CCDC7: variants seen among roughly 807,000 people sequenced by gnomAD.
The protein encoded by CCDC7 is coiled-coil domain containing 7.
Under a neutral mutation model 196.9 loss-of-function variants are expected in CCDC7, and 183 were observed. The ratio of observed to expected loss-of-function variants is 0.93; its 90% CI spans 0.82 to 1.05. CCDC7 has a LOEUF of 1.05. CCDC7 is among the 50% of genes least tolerant of loss of function. CCDC7 has a pLI of 0.00. For synonymous variants in CCDC7, 525 were observed against 484.6 expected, an observed-to-expected ratio of 1.08 and a Z score of -1.10; for missense variants, 1,540 against 1,482.2, an observed-to-expected ratio of 1.04 and a Z score of -0.64.
chr10:32,474,517 G>A (rs374427203), intron 8 of CCDC7, among the ~76,000 whole-genome samples: 3 of 151,864 alleles, frequency 2.0e-5, no homozygotes, highest in South Asian at 4.1e-4. Flanking sequence ...GATTACAGGC[G>A]TGAGCCACTG....
intron 18 of CCDC7, among the ~76,000 whole-genome samples, chr10:32,627,847 A>G (rs1012515958): frequency 1.3e-5 from 2 of 151,998 alleles, no homozygotes; most frequent in Non-Finnish European, 2.9e-5. Context: ...CCTTTTATGC[A>G]TCCCTAGGAT....
chr10:32,595,327 T>C (rs927417648), intron 18 of CCDC7, among the ~76,000 whole-genome samples: 9 of 152,262 alleles, frequency 5.9e-5, no homozygotes, highest in African/African-American at 2.2e-4. Context: ...TTTTCTAGTT[T>C]ATTTGCGTAG....
At chr10:32,873,600 G>A (rs886908479) in intron 41 of CCDC7, among the ~76,000 whole-genome samples, 1 of 151,844 alleles carries the variant, frequency 6.6e-6, no homozygotes, top group Non-Finnish European at 1.5e-5. Flanking sequence ...GGAATAGTCT[G>A]TACCACATTT....
chr10:32,852,801 G>A (rs2093613006), intron 40 of CCDC7, among the ~76,000 whole-genome samples: 1 of 151,976 alleles, frequency 6.6e-6, no homozygotes, highest in Admixed American at 6.6e-5. Flanking sequence ...AAGATATTTG[G>A]GCTTGCTTCT....
chr10:32,871,652 G>A (rs1030737154), intron 41 of CCDC7, among the ~76,000 whole-genome samples: 11 of 151,986 alleles, frequency 7.2e-5, no homozygotes, highest in African/African-American at 2.7e-4. Context: ...GCTTTTGAAT[G>A]TGTTTGCTCT....
exon 6 of CCDC7, chr10:32,471,087 A>G: frequency 6.2e-7 from 1 of 1,605,846 alleles, no homozygotes; most frequent in Non-Finnish European, 8.5e-7. Context: ...AAACTCTTTT[A>G]CAAGCAGAGC....
chr10:32,468,077 T>C (rs1195156304), intron 5 of CCDC7, among the ~76,000 whole-genome samples: 1 of 152,190 alleles, frequency 6.6e-6, no homozygotes. Flanking sequence ...GGCTCTTTTT[T>C]GGTTCCAATA....
rs192690417 is a variant in CCDC7, at chr10:32,547,646, A to C, written c.1134+3345A>C. Among the ~76,000 whole-genome samples, 5 of 152,270 alleles carry C rather than the reference A, an allele frequency of 3.3e-5. 1 individual carries two copies. Among genetic ancestry groups the C allele is most frequent in the African/African-American group, 1.2e-4 (5 of 41,542 alleles). ...CATAGTAGGTGTATATATTTATGGG[A>C]TACATGAGATATTTTGATACAAGCA... On this transcript the variant is annotated intron_variant, in intron 13 of 41. Coordinates refer to ENST00000639629, the Ensembl canonical transcript of CCDC7.
intron 38 of CCDC7, 39 bp from the exon 40 acceptor site, chr10:32,848,557 G>C: frequency 7.3e-7 from 1 of 1,364,004 alleles, no homozygotes. Context: ...GAATAGTCAA[G>C]AGTATTCATG....
At chr10:32,791,130 C>T (rs1234535927) in intron 29 of CCDC7, among the ~76,000 whole-genome samples, 1 of 152,148 alleles carries the variant, frequency 6.6e-6, no homozygotes, top group Non-Finnish European at 1.5e-5. Flanking sequence ...TCATCATTGA[C>T]ATGGATCGCA....
chr10:32,492,856 T>TA (rs1158243811), intron 9 of CCDC7, among the ~76,000 whole-genome samples: 1 of 152,132 alleles, frequency 6.6e-6, no homozygotes, highest in Non-Finnish European at 1.5e-5. Context: ...TTTCCATAGT[T>TA]AAAAAAGTTA....
chr10:32,692,133 T>G (rs1004095664), intron 23 of CCDC7, among the ~76,000 whole-genome samples: 14 of 152,238 alleles, frequency 9.2e-5, no homozygotes, highest in African/African-American at 3.1e-4. Flanking sequence ...CATTAAAGCA[T>G]GAGTCTCAAT....
At chr10:32,744,003 G>T (rs1352545839) in intron 28 of CCDC7, among the ~76,000 whole-genome samples, 1 of 110,796 alleles carries the variant, frequency 9.0e-6, no homozygotes, top group African/African-American at 3.4e-5. Flanking sequence ...TGGGGGGAGG[G>T]GGGAGGGATA....
intron 41 of CCDC7, among the ~76,000 whole-genome samples, chr10:32,874,525 A>T (rs1161619581): frequency 2.0e-5 from 3 of 151,744 alleles, no homozygotes; most frequent in Non-Finnish European, 4.4e-5. Flanking sequence ...TATAAGTGAG[A>T]ACATGTGGTA....
chr10:32,877,553 A>G (rs1193749061), downstream of CCDC7, among the ~76,000 whole-genome samples: 4 of 152,222 alleles, frequency 2.6e-5, no homozygotes, highest in South Asian at 6.2e-4. Context: ...ACTAGATCCA[A>G]TCCAGCTTCT....
intron 28 of CCDC7, among the ~76,000 whole-genome samples, chr10:32,754,736 C>T (rs1172933334): frequency 6.6e-6 from 1 of 152,134 alleles, no homozygotes; most frequent in Non-Finnish European, 1.5e-5. Flanking sequence ...TGTGCATTTT[C>T]AACTAAGTTA....
intron 18 of CCDC7, among the ~76,000 whole-genome samples, chr10:32,622,471 A>G (rs1477820665): frequency 6.6e-6 from 1 of 151,866 alleles, no homozygotes; most frequent in Non-Finnish European, 1.5e-5. Context: ...GTTAAGAATA[A>G]CTGCAGTGAT....
intron 21 of CCDC7, among the ~76,000 whole-genome samples, chr10:32,668,301 C>T (rs2073269120): frequency 1.3e-5 from 2 of 152,272 alleles, no homozygotes; most frequent in South Asian, 4.1e-4. Context: ...GATATACAAT[C>T]ATGTCATCTG....
intron 21 of CCDC7, among the ~76,000 whole-genome samples, chr10:32,674,240 T>C (rs1038316481): frequency 6.6e-6 from 1 of 152,008 alleles, no homozygotes; most frequent in Admixed American, 6.6e-5. Context: ...CTTATGGTAC[T>C]GCTTTTGCTG....
Sources: gnomAD v4.1 joint callset for allele counts (sites outside exome capture counted in the v4.1 genomes callset) on GRCh38, gnomAD v4.1.1 for gene constraint, MANE v1.5 for transcripts, NCBI Gene and HGNC (gene_info 2026-07-23, HGNC 2026-07-21) for gene names.